ZNF681: variants seen among roughly 807,000 people sequenced by gnomAD.
ZNF681 encodes zinc finger protein 681.
ZNF681 carries 37 observed loss-of-function variants against 56.0 expected under a neutral mutation model. That is an observed-to-expected ratio of 0.66 (90% CI 0.51 to 0.87). The LOEUF (loss-of-function observed/expected upper bound fraction) is 0.87. Ranked by LOEUF, ZNF681 falls within the 40% of genes least tolerant of loss-of-function variation. ZNF681 has a pLI of 0.00. For missense variants in ZNF681, 741 were observed against 744.9 expected, an observed-to-expected ratio of 0.99 and a Z score of 0.06; for synonymous variants, 225 against 248.6, an observed-to-expected ratio of 0.91 and a Z score of 0.89.
chr19:23,752,653 G>A (rs764267786), intron 3 of ZNF681, among the ~76,000 whole-genome samples: 1 of 152,158 alleles, frequency 6.6e-6, no homozygotes, highest in Non-Finnish European at 1.5e-5. Flanking sequence ...AACTAAAGGT[G>A]GACCCTAGTG....
rs376439065 is a variant in ZNF681, at chr19:23,739,635, G to A, written c.*3977C>T. On this transcript the variant is annotated 3_prime_UTR_variant, in exon 4 of 4. Coordinates refer to ENST00000402377, the MANE Select transcript of ZNF681 (RefSeq NM_138286.3). ...CGGTATGAAAGACACTAAAAGGGCA[G>A]CTGTTTCTTATGGTCTCATGACTGG... The A allele has an allele frequency of 2.6e-5, 4 of 152,142 alleles. No individual in the cohort carries two copies. The East Asian group carries it at 7.7e-4, about 29-fold the overall frequency. 9.4% of individuals were successfully genotyped at this position (152,142 alleles called of 1,614,324 possible). A position where few individuals can be genotyped will look rare whatever the true frequency, so the allele number is the denominator to read the frequency against.
At position 23,758,817 on chromosome 19, in the gene ZNF681, A is replaced by G; in HGVS notation, c.-68T>C. The G allele has an allele frequency of 6.2e-7, 1 of 1,608,320 alleles. No homozygotes were observed. Among genetic ancestry groups the G allele is most frequent in the Non-Finnish European group, 8.5e-7 (1 of 1,175,220 alleles). On this transcript the variant is annotated 5_prime_UTR_variant, in exon 1 of 4. Transcript: ENST00000402377. ...CAATACCTGCAGGTCAGAGGGCCAT[A>G]GAGGCTGGGCCTCTAGAAGAAGAGG...
At chr19:23,757,957 ATAAAGG>A (rs919118899) in intron 1 of ZNF681, among the ~76,000 whole-genome samples, 4 of 152,226 alleles carry the variant, frequency 2.6e-5, no homozygotes, top group African/African-American at 9.6e-5. Flanking sequence ...GAACACATTT[ATAAAGG>A]TTTTCTAGGG....
At chr19:23,747,905 T>C (rs1968969034) in intron 3 of ZNF681, among the ~76,000 whole-genome samples, 1 of 152,048 alleles carries the variant, frequency 6.6e-6, no homozygotes, top group South Asian at 2.1e-4. Flanking sequence ...AACTTTGCCA[T>C]GAGCACACAA....
chr19:23,752,236 C>A (rs1025501750), intron 3 of ZNF681, among the ~76,000 whole-genome samples: 1 of 152,186 alleles, frequency 6.6e-6, no homozygotes, highest in East Asian at 1.9e-4. Flanking sequence ...TCTGAAGTTA[C>A]TCTGTAATCA....
rs745410656 is a variant in ZNF681 at position 23,755,588 on chromosome 19, CACACACACACAT to C, written c.4-49_4-38del. 6.9e-3 allele frequency: 9,218 copies of C among 1,340,486 alleles called. 8 individuals are homozygous for C. Among genetic ancestry groups the C allele is most frequent in the Middle Eastern group, 8.0e-3 (41 of 5,142 alleles). The allele number at this position is 1,340,486 out of a possible 1,614,324, so 83.0% of individuals were successfully genotyped here. ...ACACACACACACACACACACACACA[CACACACACACAT>C]ACACATTTAGAAAGTGGCCATGGAA... On this transcript the variant is annotated intron_variant, in intron 1 of 3. Coordinates refer to ENST00000402377, the MANE Select transcript of ZNF681 (RefSeq NM_138286.3).
intron 1 of ZNF681, among the ~76,000 whole-genome samples, chr19:23,757,366 C>T (rs1352331219): frequency 6.6e-6 from 1 of 151,852 alleles, no homozygotes; most frequent in African/African-American, 2.4e-5. Flanking sequence ...ATTTTTATTT[C>T]TTCTGTTTCT....
chr19:23,752,348 T>C (rs983970905), intron 3 of ZNF681, among the ~76,000 whole-genome samples: 13 of 152,294 alleles, frequency 8.5e-5, no homozygotes, highest in African/African-American at 2.9e-4. Context: ...CTGCAGACCT[T>C]GGCCTTTACT....
chr19:23,745,413 T>A, intron 3 of ZNF681, 90 bp from the exon 4 acceptor site: 3 of 1,038,672 alleles, frequency 2.9e-6, no homozygotes, highest in Non-Finnish European at 3.9e-6. Context: ...ACAAATTACA[T>A]AAGCAAGATG....
intron 3 of ZNF681, among the ~76,000 whole-genome samples, chr19:23,748,913 A>G (rs1163977483): frequency 6.6e-6 from 1 of 152,168 alleles, no homozygotes; most frequent in Non-Finnish European, 1.5e-5. Flanking sequence ...TTGGTGTAAA[A>G]CAAGGATGCA....
At chr19:23,750,552 C>T (rs1969012571) in intron 3 of ZNF681, among the ~76,000 whole-genome samples, 1 of 151,514 alleles carries the variant, frequency 6.6e-6, no homozygotes, top group Non-Finnish European at 1.5e-5. Flanking sequence ...AAAAAAAACA[C>T]ACTAGTAGGC....
In ZNF681 at chr19:23,744,814, T is replaced by C. The variant is rs1246491988; in HGVS notation, c.736A>G (p.Ile246Val). ...TAGAGTTTGTCTCTAGTATAAATTA[T>C]CTTATGTGTAGTAAGGTTTGTGAAC... ...NQFTNLTTHK[I>V]IYTRDKLYKR... The change falls in exon 4 of 4, where the codon ATA becomes GTA. Residue 246 changes from isoleucine to valine, a missense_variant. By Grantham distance (29) the Ile-to-Val change is conservative. Transcript: ENST00000402377. 4 of 1,613,496 alleles carry C rather than the reference T, an allele frequency of 2.5e-6. No homozygotes were observed. The Admixed American group carries it at 5.0e-5, about 20-fold the overall frequency.
chr19:23,756,557 C>T (rs191559666), intron 1 of ZNF681, among the ~76,000 whole-genome samples: 13 of 152,238 alleles, frequency 8.5e-5, no homozygotes, highest in African/African-American at 3.1e-4. Context: ...AAACCAAACA[C>T]TGCATGTTGT....
chr19:23,754,548 C>T (rs546949403), intron 3 of ZNF681, among the ~76,000 whole-genome samples: 1 of 152,254 alleles, frequency 6.6e-6, no homozygotes, highest in Admixed American at 6.5e-5. Flanking sequence ...CACCTGTAGT[C>T]CCAGTTACTT....
In ZNF681 at chr19:23,741,570, G is replaced by C. The variant is rs957312935; in HGVS notation, c.*2042C>G. The C allele has an allele frequency of 6.6e-6, 1 of 152,134 alleles. No homozygotes were observed. The highest frequency in any genetic ancestry group is 6.5e-5 in the Admixed American group (1 of 15,270). 9.4% of individuals were successfully genotyped at this position (152,134 alleles called of 1,614,324 possible). Reference sequence around the variant, plus strand: ...CTAAAAATACAAAAATTAGCTGAGTGTGGTGGCATGCGCCTGTAGTCCCAA... The same window carrying C: ...CTAAAAATACAAAAATTAGCTGAGTCTGGTGGCATGCGCCTGTAGTCCCAA... On this transcript the variant is annotated 3_prime_UTR_variant, in exon 4 of 4. Transcript: ENST00000402377.
chr19:23,758,831 T>C lies in ZNF681; in HGVS notation c.-82A>G, dbSNP rs574066668. 69 of 1,594,428 alleles carry C rather than the reference T, an allele frequency of 4.3e-5. No homozygotes were observed. In the African/African-American group the frequency reaches 8.9e-4, roughly 20 times the overall value. On this transcript the variant is annotated 5_prime_UTR_variant, in exon 1 of 4. Transcript: ENST00000402377. ...CAGAGGGCCATAGAGGCTGGGCCTC[T>C]AGAAGAAGAGGACACAGAGCAGTGA... is the stretch of plus-strand genomic sequence containing the variant.
rs181923910 is a variant in ZNF681, at chr19:23,751,166, C to T, written c.226+3657G>A. The stretch of plus-strand genomic sequence containing the variant: ...AAAAAAAAAGATCTGGTTTGCAAAA[C>T]GATGTACCATTAAGAATTTATCTAA... On this transcript the variant is annotated intron_variant, in intron 3 of 3. Transcript: ENST00000402377. Among the ~76,000 whole-genome samples, 24 of 144,628 alleles carry T rather than the reference C, an allele frequency of 1.7e-4. No homozygotes were observed. In the East Asian group the frequency reaches 4.6e-3, roughly 28 times the overall value. The allele number at this position is 144,628 out of a possible 152,430, so 94.9% of individuals were successfully genotyped here.
chr19:23,758,594 T>G (rs1367682454), intron 1 of ZNF681, among the ~76,000 whole-genome samples, 153 bp downstream of exon 1: 1 of 152,184 alleles, frequency 6.6e-6, no homozygotes, highest in Non-Finnish European at 1.5e-5. Flanking sequence ...GGGGGCTGGC[T>G]GTCAGCGCAG....
intron 1 of ZNF681, among the ~76,000 whole-genome samples, chr19:23,756,002 A>T (rs375253714): frequency 1.9e-4 from 29 of 152,222 alleles, no homozygotes; most frequent in African/African-American, 7.0e-4. Context: ...CTGAGTATAT[A>T]CTCACAAGAA....
Sources: allele counts gnomAD v4.1 joint callset (sites outside exome capture counted in the v4.1 genomes callset), GRCh38; gene constraint gnomAD v4.1.1; transcripts MANE v1.5; gene names NCBI Gene and HGNC (gene_info 2026-07-23, HGNC 2026-07-21).